The following LGR4 variants were observed in gnomAD, a reference collection of about 807,000 sequenced individuals.
The protein encoded by LGR4 is leucine rich repeat containing G protein-coupled receptor 4, also known as leucine-rich repeat-containing G protein-coupled receptor 4.
In LGR4, 44 loss-of-function variants were observed where a neutral mutation model predicts 84.8. The observed-to-expected ratio is 0.52, with a 90% confidence interval of 0.41 to 0.67. The LOEUF is 0.67. Among genes scored for constraint, LGR4 ranks in the 30% least tolerant of loss-of-function variants. The pLI, the probability that LGR4 is intolerant of heterozygous loss-of-function variation, is 0.00. For synonymous variants in LGR4, 429 were observed against 434.3 expected (o/e 0.99, Z 0.15); for missense variants, 1,032 against 1,131.4 (o/e 0.91, Z 1.26).
At chr11:27,421,578 T>C (rs1474122432) in intron 1 of LGR4, among the ~76,000 whole-genome samples, 2 of 152,166 alleles carry the variant, frequency 1.3e-5, no homozygotes, top group East Asian at 3.8e-4. Context: ...CACTGGTGTG[T>C]AAATATCACA....
chr11:27,412,859 C>T lies in LGR4; in HGVS notation c.187G>A (p.Asp63Asn). The stretch of plus-strand genomic sequence containing the variant: ...TGAGTAATGTTGTTCATACTGATAT[C>T]CCTGGAAAACGTAAAGTTAAGAATA... ...EGLSAFTQAL[D>N]ISMNNITQLP... Residue 63 changes from aspartate (D) to asparagine (N), a missense_variant and splice_region_variant, in exon 2 of 18, where the codon GAT becomes AAT. Coordinates refer to ENST00000379214, the MANE Select transcript of LGR4 (RefSeq NM_018490.5). 1.3e-6 allele frequency: 2 copies of T among 1,591,176 alleles called. No individual in the cohort carries two copies. The highest frequency in any genetic ancestry group is 1.7e-6 in the Non-Finnish European group (2 of 1,160,054).
In LGR4 at chr11:27,374,024, G is replaced by T; in HGVS notation, c.1204C>A (p.His402Asn). ...RILDLSRNLIHEIHSRAFATL... is the reference protein window; with the variant it reads ...RILDLSRNLINEIHSRAFATL... Reference sequence around the variant, plus strand: ...GCAAAAGCTCTACTGTGAATTTCATGTATCAGGTTTCTACTCAGATCTCTG... The same window carrying T: ...GCAAAAGCTCTACTGTGAATTTCATTTATCAGGTTTCTACTCAGATCTCTG... The change falls in exon 14 of 18, where the codon CAT (histidine) becomes AAT (asparagine). Residue 402 changes from histidine to asparagine, a missense_variant. Physicochemically the swap from His to Asn is moderately conservative, Grantham distance 68. Coordinates refer to ENST00000379214, the MANE Select transcript of LGR4 (RefSeq NM_018490.5). The T allele has an allele frequency of 6.2e-7, 1 of 1,611,342 alleles. No individual in the cohort carries two copies. The highest frequency in any genetic ancestry group is 1.1e-5 in the South Asian group (1 of 91,008).
At chr11:27,424,861 C>T (rs1288303134) in intron 1 of LGR4, among the ~76,000 whole-genome samples, 2 of 152,176 alleles carry the variant, frequency 1.3e-5, no homozygotes, top group South Asian at 4.1e-4. Flanking sequence ...AATTCTCCTC[C>T]TTCAGCCTCC....
intron 2 of LGR4, among the ~76,000 whole-genome samples, chr11:27,399,738 C>G (rs900911101): frequency 9.2e-5 from 14 of 152,092 alleles, no homozygotes; most frequent in Admixed American, 9.2e-4. Context: ...AGGCTGCTCT[C>G]AAACTCCTGA....
Position 27,471,009 on chromosome 11 carries a change from C to T in LGR4, c.185+1109G>A, listed in dbSNP as rs182962906. On this transcript the variant is annotated intron_variant, in intron 1 of 17. Coordinates refer to ENST00000379214, the MANE Select transcript of LGR4 (RefSeq NM_018490.5). ...AAAGGAAATTCCCTCTACCCTAGGG[C>T]CCCTCAGGATCCCTTCCTCTCTCAC... is the stretch of plus-strand genomic sequence containing the variant. 9.2e-5 allele frequency among the ~76,000 whole-genome samples: 14 copies of T among 152,308 alleles called. 1 individual carries two copies. In the East Asian group the frequency reaches 2.7e-3, roughly 29 times the overall value.
At chr11:27,412,730 G>C in intron 2 of LGR4, 59 bp downstream of exon 2, 1 of 1,023,822 alleles carries the variant, frequency 9.8e-7, no homozygotes, top group Non-Finnish European at 1.6e-6. Flanking sequence ...TGTAGCAAAA[G>C]CTTCCAAAAT....
intron 1 of LGR4, among the ~76,000 whole-genome samples, chr11:27,427,160 C>A (rs1421821015): frequency 6.6e-6 from 1 of 152,006 alleles, no homozygotes; most frequent in Non-Finnish European, 1.5e-5. Flanking sequence ...ATTCTGGGTA[C>A]CTTTAAAAGG....
intron 1 of LGR4, among the ~76,000 whole-genome samples, chr11:27,432,971 GTTCACA>G (rs1864139224): frequency 6.6e-6 from 1 of 152,108 alleles, no homozygotes; most frequent in Non-Finnish European, 1.5e-5. Context: ...GCTACTGAAA[GTTCACA>G]TCATGGCAAC....
At position 27,368,432 on chromosome 11, in the gene LGR4, G is replaced by A. The variant is rs556032916; in HGVS notation, c.2291C>T (p.Ala764Val). The change falls in exon 18 of 18, where the codon GCG (alanine) becomes GTG (valine). Residue 764 changes from alanine to valine, a missense_variant. Transcript: ENST00000379214. ...GATCAATGGTGCAAATGAAAAAAAC[G>A]CCACAGGGCAGAAAAAGATGCAATT... ...FTNCIFFCPVAFFSFAPLITA... is the reference protein window; with the variant it reads ...FTNCIFFCPVVFFSFAPLITA... 3.1e-6 allele frequency: 5 copies of A among 1,614,150 alleles called. No homozygotes were observed. Among genetic ancestry groups the A allele is most frequent in the South Asian group, 2.2e-5 (2 of 91,080 alleles).
intron 1 of LGR4, among the ~76,000 whole-genome samples, chr11:27,420,899 C>G (rs1863913321): frequency 6.6e-6 from 1 of 151,938 alleles, no homozygotes; most frequent in Admixed American, 6.6e-5. Flanking sequence ...CAGTATGGTC[C>G]AAAAAGATAA....
rs1862766066 is a variant in LGR4 at position 27,366,375 on chromosome 11, C to G, written c.*1492G>C. On this transcript the variant is annotated 3_prime_UTR_variant, in exon 18 of 18. Coordinates refer to ENST00000379214, the MANE Select transcript of LGR4 (RefSeq NM_018490.5). Reference sequence around the variant, plus strand: ...CCACAATTTAACAGTCTGCTACTGGCAGCCACTATAGTTTAGGAGGTAGCT... The same window carrying G: ...CCACAATTTAACAGTCTGCTACTGGGAGCCACTATAGTTTAGGAGGTAGCT... 1 of 152,564 alleles carries G rather than the reference C, an allele frequency of 6.6e-6. No homozygotes were observed. The highest frequency in any genetic ancestry group is 2.1e-4 in the South Asian group (1 of 4,826). 9.5% of individuals were successfully genotyped at this position (152,564 alleles called of 1,614,324 possible).
intron 15 of LGR4, among the ~76,000 whole-genome samples, chr11:27,372,746 T>C (rs1306739374): frequency 1.3e-5 from 2 of 152,232 alleles, no homozygotes; most frequent in East Asian, 1.9e-4. Context: ...ACGAAACTGA[T>C]AGTTTCACTT....
At chr11:27,378,395 C>A (rs1043454403) in intron 11 of LGR4, among the ~76,000 whole-genome samples, 9 of 151,964 alleles carry the variant, frequency 5.9e-5, no homozygotes, top group Admixed American at 3.9e-4. Flanking sequence ...AGGAGAGATA[C>A]CCCTGGAGAA....
chr11:27,449,857 T>C (rs1373417866), intron 1 of LGR4, among the ~76,000 whole-genome samples: 1 of 152,162 alleles, frequency 6.6e-6, no homozygotes, highest in African/African-American at 2.4e-5. Flanking sequence ...CTGATCAATA[T>C]TTTAACAATT....
At chr11:27,399,662 G>A (rs1471396325) in intron 2 of LGR4, among the ~76,000 whole-genome samples, 1 of 151,900 alleles carries the variant, frequency 6.6e-6, no homozygotes, top group Non-Finnish European at 1.5e-5. Flanking sequence ...TGAGATTACA[G>A]GCGCCCACCA....
chr11:27,396,563 G>A (rs191853459), intron 2 of LGR4, among the ~76,000 whole-genome samples: 12 of 151,834 alleles, frequency 7.9e-5, no homozygotes, highest in Middle Eastern at 3.4e-3. Context: ...AGGCAACTCC[G>A]GAGGAAAAAG....
intron 1 of LGR4, among the ~76,000 whole-genome samples, chr11:27,441,234 G>C (rs1358231799): frequency 6.6e-6 from 1 of 151,790 alleles, no homozygotes; most frequent in Non-Finnish European, 1.5e-5. Context: ...TAAATGATGT[G>C]AACAAGATCA....
intron 1 of LGR4, among the ~76,000 whole-genome samples, chr11:27,463,229 G>A (rs1864716880): frequency 6.6e-6 from 1 of 152,106 alleles, no homozygotes; most frequent in Non-Finnish European, 1.5e-5. Flanking sequence ...TTCAGCCTGG[G>A]TGACACAGTG....
chr11:27,461,943 C>A (rs1864691944), intron 1 of LGR4, among the ~76,000 whole-genome samples: 1 of 146,836 alleles, frequency 6.8e-6, no homozygotes, highest in South Asian at 2.1e-4. Context: ...AATTCTCCTG[C>A]CTCAGTCTCC....
Sources: gnomAD v4.1 joint callset for allele counts (sites outside exome capture counted in the v4.1 genomes callset) on GRCh38, gnomAD v4.1.1 for gene constraint, MANE v1.5 for transcripts, NCBI Gene and HGNC (gene_info 2026-07-23, HGNC 2026-07-21) for gene names.